ACTR3B: variants seen among roughly 807,000 people sequenced by gnomAD.
ACTR3B encodes actin-related protein 3B.
ACTR3B carries 8 observed loss-of-function variants against 59.0 expected under a neutral mutation model. The ratio of observed to expected loss-of-function variants is 0.14; its 90% CI spans 0.08 to 0.24. The LOEUF is 0.24. Ranked by LOEUF, ACTR3B falls within the 10% of genes least tolerant of loss-of-function variation. The pLI is 1.00. For synonymous variants in ACTR3B, 148 were observed against 197.9 expected (o/e 0.75, Z 2.12); for missense variants, 245 against 552.3 (o/e 0.44, Z 5.58).
chr7:152,829,036 G>A (rs1249803391), intron 9 of ACTR3B, among the ~76,000 whole-genome samples: 1 of 145,122 alleles, frequency 6.9e-6, no homozygotes, highest in South Asian at 2.3e-4. Context: ...TAAAAATTGT[G>A]TGTGTGTGTA....
At chr7:152,800,337 A>C (rs2098231162) in intron 2 of ACTR3B, among the ~76,000 whole-genome samples, 194 bp from the exon 3 acceptor site, 1 of 152,292 alleles carries the variant, frequency 6.6e-6, no homozygotes, top group Non-Finnish European at 1.5e-5. Context: ...TGAAAATCAT[A>C]CCAGAATAGA....
chr7:152,763,450 A>C (rs1228381154), intron 1 of ACTR3B, among the ~76,000 whole-genome samples: 1 of 150,324 alleles, frequency 6.7e-6, no homozygotes, highest in East Asian at 2.0e-4. Flanking sequence ...TTTTGACAGA[A>C]TCTTGTTCTG....
At chr7:152,794,361 G>A (rs2098208252) in intron 2 of ACTR3B, among the ~76,000 whole-genome samples, 1 of 152,076 alleles carries the variant, frequency 6.6e-6, no homozygotes, top group Non-Finnish European at 1.5e-5. Context: ...GGGACTACAG[G>A]TGCGCACCAC....
intron 1 of ACTR3B, among the ~76,000 whole-genome samples, chr7:152,761,818 A>G (rs768920374): frequency 2.4e-4 from 37 of 152,342 alleles, no homozygotes; most frequent in Middle Eastern, 6.8e-3. Context: ...AAAATAGGAC[A>G]AAAAGTGGTA....
In ACTR3B at chr7:152,777,331, CAA is replaced by C. The variant is rs1355107248; in HGVS notation, c.45-5853_45-5852del. Among the ~76,000 whole-genome samples, 5 of 151,260 alleles carry C rather than the reference CAA, an allele frequency of 3.3e-5. No homozygotes were observed. The East Asian group carries it at 7.7e-4, about 23-fold the overall frequency. On this transcript the variant is annotated intron_variant, in intron 1 of 11. Coordinates refer to ENST00000256001, the MANE Select transcript of ACTR3B (RefSeq NM_020445.6). ...ACCAGAAAACAAAAAACAAAAAAAA[CAA>C]AACGGACTCTTCCTGTGTAAGATTA... is the stretch of plus-strand genomic sequence containing the variant.
chr7:152,789,535 C>T (rs2098187610), intron 2 of ACTR3B, among the ~76,000 whole-genome samples: 1 of 149,686 alleles, frequency 6.7e-6, no homozygotes, highest in East Asian at 1.9e-4. Context: ...GGGAATGTTA[C>T]TGAGGTTTGT....
chr7:152,854,670 C>A lies in ACTR3B; in HGVS notation c.*117C>A. On this transcript the variant is annotated 3_prime_UTR_variant, in exon 12 of 12. Transcript: ENST00000256001. This position sits in a 1 kb window ranked among gnomAD's most constrained non-coding sequence, Gnocchi z 4.9. Reference sequence around the variant, plus strand: ...GTCGGTGTTGCTGCCCAGCAGCGTGCTTGCATTGCCGGTGCATGAGGCGCG... The same window carrying A: ...GTCGGTGTTGCTGCCCAGCAGCGTGATTGCATTGCCGGTGCATGAGGCGCG... 3 of 1,082,950 alleles carry A rather than the reference C, an allele frequency of 2.8e-6. No homozygotes were observed. Among genetic ancestry groups the A allele is most frequent in the Non-Finnish European group, 4.1e-6 (3 of 732,320 alleles). 67.1% of individuals were successfully genotyped at this position (1,082,950 alleles called of 1,614,324 possible).
At chr7:152,846,926 C>CG (rs1380403607) in intron 9 of ACTR3B, among the ~76,000 whole-genome samples, 10 of 136,056 alleles carry the variant, frequency 7.3e-5, no homozygotes, top group East Asian at 2.2e-4. Flanking sequence ...CTCTAGTGCC[C>CG]GGGCTGTAGT....
intron 9 of ACTR3B, among the ~76,000 whole-genome samples, chr7:152,826,557 C>T (rs1796589815): frequency 6.6e-6 from 1 of 152,188 alleles, no homozygotes; most frequent in African/African-American, 2.4e-5. Flanking sequence ...CTGGAGTATG[C>T]AAATGAAGAA....
chr7:152,765,129 TTTCC>T (rs2098104775), intron 1 of ACTR3B, among the ~76,000 whole-genome samples: 1 of 141,708 alleles, frequency 7.1e-6, no homozygotes, highest in African/African-American at 2.8e-5. Flanking sequence ...TTTTTTTTTT[TTTCC>T]GGAGACAGAG....
chr7:152,842,286 G>A (rs148197541), intron 9 of ACTR3B, among the ~76,000 whole-genome samples: 2,730 of 152,256 alleles, frequency 0.018, 92 homozygotes, highest in African/African-American at 0.063. Context: ...ATATGGATCA[G>A]TTATAACAGT....
intron 1 of ACTR3B, among the ~76,000 whole-genome samples, chr7:152,767,455 G>A (rs1337831124): frequency 6.6e-6 from 1 of 152,126 alleles, no homozygotes; most frequent in Non-Finnish European, 1.5e-5. Flanking sequence ...CCTTTTTAGG[G>A]CTTTCCCATG....
chr7:152,852,123 T>C lies in ACTR3B; in HGVS notation c.952-3T>C. On this transcript the variant is annotated splice_region_variant and splice_polypyrimidine_tract_variant and intron_variant, in intron 9 of 11. Transcript: ENST00000256001. ...AGGGCTCCCTCTGCTTTGTGTCTTG[T>C]AGAATGTCGTACTCTCAGGAGGCTC... is the stretch of plus-strand genomic sequence containing the variant. 1 of 1,614,028 alleles carries C rather than the reference T, an allele frequency of 6.2e-7. No individual in the cohort carries two copies. The highest frequency in any genetic ancestry group is 8.5e-7 in the Non-Finnish European group (1 of 1,179,970).
In ACTR3B at chr7:152,823,501, T is replaced by C; in HGVS notation, c.844T>C (p.Phe282Leu). The C allele has an allele frequency of 2.5e-6, 4 of 1,614,150 alleles. No individual in the cohort carries two copies. Among genetic ancestry groups the C allele is most frequent in the Non-Finnish European group, 2.5e-6 (3 of 1,180,002 alleles). ...GYERFLGPEI[F>L]FHPEFANPDF... ...CGAAAGATTCCTGGGACCTGAAATATTCTTTCACCCGGAGGTGAGATGTTT... is the reference window on the plus strand; with the variant it reads ...CGAAAGATTCCTGGGACCTGAAATACTCTTTCACCCGGAGGTGAGATGTTT... The change falls in exon 8 of 12, where the codon TTC becomes CTC. Residue 282 changes from phenylalanine to leucine, a missense_variant. This residue lies in a region of ACTR3B where 153 missense variants were observed against 266.2 expected (regional missense o/e 0.57). Transcript: ENST00000256001.
chr7:152,768,081 G>A (rs1338854723), intron 1 of ACTR3B, among the ~76,000 whole-genome samples: 53 of 150,530 alleles, frequency 3.5e-4, no homozygotes, highest in African/African-American at 1.3e-3. Context: ...AAATTAGCTG[G>A]GCGTGGTGGC....
intron 2 of ACTR3B, among the ~76,000 whole-genome samples, chr7:152,783,633 G>C (rs2098162102): frequency 6.6e-6 from 1 of 151,752 alleles, no homozygotes; most frequent in Non-Finnish European, 1.5e-5. Context: ...TGGTGGAAAT[G>C]ATAGGCCTGA....
intron 9 of ACTR3B, among the ~76,000 whole-genome samples, chr7:152,846,424 G>A (rs1377924657): frequency 6.9e-6 from 1 of 145,436 alleles, no homozygotes; most frequent in South Asian, 2.2e-4. Flanking sequence ...GTGAGCTCTA[G>A]TGTCCGGGCT....
chr7:152,852,137 C>G lies in ACTR3B; in HGVS notation c.963C>G (p.Leu321=). 6.2e-7 allele frequency: 1 copy of G among 1,614,102 alleles called. No individual in the cohort carries two copies. The highest frequency in any genetic ancestry group is 8.5e-7 in the Non-Finnish European group (1 of 1,180,016). Residue 321 remains leucine (L), a synonymous_variant, in exon 10 of 12, where the codon CTC becomes CTG. Transcript: ENST00000256001. The part of the protein sequence containing the change: ...VRRPLYKNVV[L]SGGSTMFRDF... Reference sequence around the variant, plus strand: ...TTTGTGTCTTGTAGAATGTCGTACTCTCAGGAGGCTCCACCATGTTCAGGG... The same window carrying G: ...TTTGTGTCTTGTAGAATGTCGTACTGTCAGGAGGCTCCACCATGTTCAGGG...
At chr7:152,776,666 C>G (rs909412833) in intron 1 of ACTR3B, among the ~76,000 whole-genome samples, 4 of 152,166 alleles carry the variant, frequency 2.6e-5, no homozygotes, top group African/African-American at 4.8e-5. Context: ...GAAATATTAT[C>G]CAAAAATGGC....
Sources: allele counts gnomAD v4.1 joint callset (sites outside exome capture counted in the v4.1 genomes callset), GRCh38; gene constraint gnomAD v4.1.1; regional missense constraint gnomAD v4.1.1; non-coding constraint Gnocchi (gnomAD v3.1); transcripts MANE v1.5; gene names NCBI Gene and HGNC (gene_info 2026-07-23, HGNC 2026-07-21).